The following EHD3 variants were observed in gnomAD, a reference collection of about 807,000 sequenced individuals.
The protein encoded by EHD3 is EH domain containing 3.
In EHD3, 17 loss-of-function variants were observed where a neutral mutation model predicts 43.0. The ratio of observed to expected loss-of-function variants is 0.40; its 90% CI spans 0.27 to 0.59. The LOEUF (loss-of-function observed/expected upper bound fraction) is 0.59. Ranked by LOEUF, EHD3 falls within the 20% of genes least tolerant of loss-of-function variation. The pLI, the probability that EHD3 is intolerant of heterozygous loss-of-function variation, is 0.49. For missense variants in EHD3, 594 were observed against 705.6 expected (o/e 0.84, Z 1.79); for synonymous variants, 313 against 289.5 (o/e 1.08, Z -0.82).
intron 5 of EHD3, among the ~76,000 whole-genome samples, chr2:31,264,397 T>C (rs1046787849): frequency 6.6e-6 from 1 of 152,132 alleles, no homozygotes; most frequent in Non-Finnish European, 1.5e-5. Context: ...GAGTGGTGAG[T>C]GAGTGTGAAG....
chr2:31,266,150 C>T lies in EHD3; in HGVS notation c.1081-27C>T. ...GGGCTCTCCTTTCATCGTATCCTATCTTCATCCTCTCTCCTCCTCTTCCCA... is the reference window on the plus strand; with the variant it reads ...GGGCTCTCCTTTCATCGTATCCTATTTTCATCCTCTCTCCTCCTCTTCCCA... On this transcript the variant is annotated intron_variant, in intron 5 of 5. Coordinates refer to ENST00000322054, the MANE Select transcript of EHD3 (RefSeq NM_014600.3). This position sits in a 1 kb window ranked among gnomAD's most constrained non-coding sequence, Gnocchi z 5.1. 1 of 1,589,112 alleles carries T rather than the reference C, an allele frequency of 6.3e-7. No individual in the cohort carries two copies. Among genetic ancestry groups the T allele is most frequent in the East Asian group, 2.2e-5 (1 of 44,560 alleles).
intron 5 of EHD3, among the ~76,000 whole-genome samples, chr2:31,262,715 C>T (rs1309289921): frequency 2.6e-5 from 4 of 152,154 alleles, no homozygotes; most frequent in African/African-American, 4.8e-5. Context: ...GCCAGGAGTT[C>T]GAGACCAGCC....
chr2:31,248,836 C>T (rs542489184), intron 2 of EHD3, among the ~76,000 whole-genome samples: 1 of 152,248 alleles, frequency 6.6e-6, no homozygotes, highest in Non-Finnish European at 1.5e-5. Flanking sequence ...GAAGGAGGCT[C>T]CCCAGACCCT....
Position 31,234,452 on chromosome 2 carries a change from T to C in EHD3, c.-170T>C. 2 of 671,836 alleles carry C rather than the reference T, an allele frequency of 3.0e-6. No individual in the cohort carries two copies. The highest frequency in any genetic ancestry group is 2.8e-5 in the East Asian group (1 of 36,050). 41.6% of individuals were successfully genotyped at this position (671,836 alleles called of 1,614,324 possible). A position where few individuals can be genotyped will look rare whatever the true frequency, so the allele number is the denominator to read the frequency against. ...GGCTTGGTCCCAGGAGCAGGGAGAGTGCGCTCCCGGCCCTCCTAGCCGCGT... is the reference window on the plus strand; with the variant it reads ...GGCTTGGTCCCAGGAGCAGGGAGAGCGCGCTCCCGGCCCTCCTAGCCGCGT... On this transcript the variant is annotated 5_prime_UTR_variant, in exon 1 of 6. Transcript: ENST00000322054.
At chr2:31,263,037 G>C (rs1683883344) in intron 5 of EHD3, among the ~76,000 whole-genome samples, 1 of 152,118 alleles carries the variant, frequency 6.6e-6, no homozygotes, top group Non-Finnish European at 1.5e-5. Flanking sequence ...TTTAAATCTA[G>C]GTTTTTCATA....
In EHD3 at chr2:31,234,506, C is replaced by G; in HGVS notation, c.-116C>G. The G allele has an allele frequency of 2.4e-6, 3 of 1,228,624 alleles. No homozygotes were observed. The highest frequency in any genetic ancestry group is 3.4e-6 in the Non-Finnish European group (3 of 878,396). 76.1% of individuals were successfully genotyped at this position (1,228,624 alleles called of 1,614,324 possible). A position where few individuals can be genotyped will look rare whatever the true frequency, so the allele number is the denominator to read the frequency against. ...CGGGCCATGGTGCGGCTGAGCCCCGCGCTTGGGTGAGGCGGCGGCGCGGCT... is the reference window on the plus strand; with the variant it reads ...CGGGCCATGGTGCGGCTGAGCCCCGGGCTTGGGTGAGGCGGCGGCGCGGCT... On this transcript the variant is annotated 5_prime_UTR_variant, in exon 1 of 6. Coordinates refer to ENST00000322054, the MANE Select transcript of EHD3 (RefSeq NM_014600.3).
chr2:31,265,951 C>G (rs1683939933), intron 5 of EHD3, among the ~76,000 whole-genome samples: 1 of 152,090 alleles, frequency 6.6e-6, no homozygotes, highest in Non-Finnish European at 1.5e-5. Context: ...ACCCTTCTAC[C>G]CCCTACTGAA....
In EHD3 at chr2:31,268,092, G is replaced by A. The variant is rs1367621758; in HGVS notation, c.*1388G>A. 1 of 152,620 alleles carries A rather than the reference G, an allele frequency of 6.6e-6. No homozygotes were observed. Among genetic ancestry groups the A allele is most frequent in the East Asian group, 1.9e-4 (1 of 5,186 alleles). 9.5% of individuals were successfully genotyped at this position (152,620 alleles called of 1,614,324 possible). A position where few individuals can be genotyped will look rare whatever the true frequency, so the allele number is the denominator to read the frequency against. ...TACTATTCTCAGAAGGCTAACTTGA[G>A]AGGTTTGGGGCCTTGTTCCCCAGAG... On this transcript the variant is annotated 3_prime_UTR_variant, in exon 6 of 6. Coordinates refer to ENST00000322054, the MANE Select transcript of EHD3 (RefSeq NM_014600.3).
At chr2:31,242,262 G>T (rs1296338208) in intron 1 of EHD3, among the ~76,000 whole-genome samples, 1 of 152,234 alleles carries the variant, frequency 6.6e-6, no homozygotes, top group Non-Finnish European at 1.5e-5. Context: ...TGCTGCTGCA[G>T]TCCACCTGTG....
intron 5 of EHD3, among the ~76,000 whole-genome samples, chr2:31,264,741 G>GC (rs1268969067): frequency 2.0e-5 from 3 of 151,516 alleles, no homozygotes; most frequent in African/African-American, 7.3e-5. Context: ...CACCATGTTG[G>GC]CCAGGATGGT....
chr2:31,240,617 C>T (rs904780619), intron 1 of EHD3, among the ~76,000 whole-genome samples: 3 of 152,216 alleles, frequency 2.0e-5, no homozygotes, highest in Non-Finnish European at 4.4e-5. Flanking sequence ...CTGACCACCT[C>T]GGGCTGCAGC....
At chr2:31,254,590 C>A (rs982340898) in intron 3 of EHD3, among the ~76,000 whole-genome samples, 4 of 152,242 alleles carry the variant, frequency 2.6e-5, no homozygotes, top group African/African-American at 9.6e-5. Flanking sequence ...CTTGTTATTC[C>A]TCTTTTGCTC....
Position 31,266,895 on chromosome 2 carries a change from A to C in EHD3, c.*191A>C. 1.4e-6 allele frequency: 1 copy of C among 693,478 alleles called. No individual in the cohort carries two copies. 43.0% of individuals were successfully genotyped at this position (693,478 alleles called of 1,614,324 possible). Reference sequence around the variant, plus strand: ...CTGATACTTGTTTGGGCACACCTCCAAGTTCTCGGGATTAGAAGGACAAGA... The same window carrying C: ...CTGATACTTGTTTGGGCACACCTCCCAGTTCTCGGGATTAGAAGGACAAGA... On this transcript the variant is annotated 3_prime_UTR_variant, in exon 6 of 6. Transcript: ENST00000322054. The surrounding 1 kb of genome is among the most constrained non-coding windows in gnomAD (Gnocchi z 5.1).
intron 2 of EHD3, among the ~76,000 whole-genome samples, chr2:31,246,293 G>A (rs1350680094): frequency 6.6e-6 from 1 of 152,114 alleles, no homozygotes; most frequent in Non-Finnish European, 1.5e-5. Flanking sequence ...TGATTCAGGA[G>A]AATGAGTCGC....
At position 31,245,294 on chromosome 2, in the gene EHD3, C is replaced by T. The variant is rs541992385; in HGVS notation, c.404+844C>T. The stretch of plus-strand genomic sequence containing the variant: ...AAAACTTACTTGTTTCTAATTTTTC[C>T]CATCTGTAAATAGGATAATAGGAGT... On this transcript the variant is annotated intron_variant, in intron 2 of 5. Coordinates refer to ENST00000322054, the MANE Select transcript of EHD3 (RefSeq NM_014600.3). Among the ~76,000 whole-genome samples, 159 of 152,072 alleles carry T rather than the reference C, an allele frequency of 1.0e-3. 3 individuals carry two copies. The South Asian group carries it at 0.03, about 28-fold the overall frequency.
At chr2:31,256,549 C>A (rs754690610) in intron 3 of EHD3, among the ~76,000 whole-genome samples, 6 of 152,144 alleles carry the variant, frequency 3.9e-5, no homozygotes, top group Non-Finnish European at 8.8e-5. Flanking sequence ...TGTCCAGCTC[C>A]CAGTGCACCG....
Position 31,260,380 on chromosome 2 carries a change from TG to T in EHD3, c.503-128del. 1.1e-6 allele frequency: 1 copy of T among 920,208 alleles called. No individual in the cohort carries two copies. The highest frequency in any genetic ancestry group is 1.6e-6 in the Non-Finnish European group (1 of 640,704). 57.0% of individuals were successfully genotyped at this position (920,208 alleles called of 1,614,324 possible). ...TGCTGGAGTCCAAACAGTTAAAATG[TG>T]GAGGAGCCAGGATTTAAACTTAGAT... On this transcript the variant is annotated intron_variant, in intron 3 of 5. Transcript: ENST00000322054. The surrounding 1 kb of genome is among the most constrained non-coding windows in gnomAD (Gnocchi z 4.6).
intron 2 of EHD3, among the ~76,000 whole-genome samples, chr2:31,248,359 C>A (rs1024574456): frequency 1.3e-5 from 2 of 152,174 alleles, no homozygotes; most frequent in Admixed American, 6.5e-5. Flanking sequence ...CCTCTGCCTC[C>A]AGGAAGCCAT....
intron 1 of EHD3, among the ~76,000 whole-genome samples, chr2:31,243,876 G>A (rs1054453676): frequency 2.6e-5 from 4 of 152,030 alleles, no homozygotes; most frequent in Admixed American, 2.0e-4. Flanking sequence ...CAGAGTCTAC[G>A]GAAGGTTTAG....
Sources: gnomAD v4.1 joint callset for allele counts (sites outside exome capture counted in the v4.1 genomes callset) on GRCh38, gnomAD v4.1.1 for gene constraint, Gnocchi (gnomAD v3.1) non-coding constraint, MANE v1.5 for transcripts, NCBI Gene and HGNC (gene_info 2026-07-23, HGNC 2026-07-21) for gene names.